PPM1M: variants seen among roughly 807,000 people sequenced by gnomAD.
PPM1M encodes the protein protein phosphatase, Mg2+/Mn2+ dependent 1M, also known as protein phosphatase 1M.
PPM1M carries 44 observed loss-of-function variants against 50.8 expected under a neutral mutation model. The observed-to-expected ratio is 0.87, with a 90% CI of 0.68 to 1.11. The LOEUF (loss-of-function observed/expected upper bound fraction) is 1.11. Among genes scored for constraint, PPM1M ranks in the 50% most tolerant of loss-of-function variants. PPM1M has a pLI of 0.00. For synonymous variants in PPM1M, 224 were observed against 242.9 expected (o/e 0.92, Z 0.72); for missense variants, 556 against 593.4 (o/e 0.94, Z 0.66).
In PPM1M at chr3:52,246,000, G is replaced by A. The variant is rs1395618515; in HGVS notation, c.176G>A (p.Arg59His). ...CGCCGCCCAGACTCCCGGCCCGTGC[G>A]CAGCCCCGCACGAGGACGCACGCTA... ...ASRRPDSRPV[R>H]SPARGRTLPW... Residue 59 changes from arginine to histidine, a missense_variant, in exon 1 of 10, where the codon CGC becomes CAC. Physicochemically the swap from Arg to His is conservative, Grantham distance 29. Coordinates refer to ENST00000323588, the MANE Select transcript of PPM1M (RefSeq NM_144641.4). This position sits in a 1 kb window ranked among gnomAD's most constrained non-coding sequence, Gnocchi z 4.8. 4.0e-6 allele frequency: 5 copies of A among 1,235,762 alleles called. No individual in the cohort carries two copies. The African/African-American group carries it at 4.9e-5, about 12-fold the overall frequency. 76.5% of individuals were successfully genotyped at this position (1,235,762 alleles called of 1,614,324 possible). A position where few individuals can be genotyped will look rare whatever the true frequency, so the allele number is the denominator to read the frequency against.
intron 4 of PPM1M, 54 bp from the exon 5 acceptor site, chr3:52,248,098 CA>C: frequency 6.8e-7 from 1 of 1,471,444 alleles, no homozygotes; most frequent in Non-Finnish European, 9.3e-7. Context: ...GGAGGGTGGC[CA>C]TGGGTGAGGG....
rs1699934263 is a variant in PPM1M at position 52,249,847 on chromosome 3, G to A, written c.*33G>A. The stretch of plus-strand genomic sequence containing the variant: ...GACACTGTATCCCAGAACTGCTCTA[G>A]TGCCCGGGTGTGGTCTGGGCATCCC... On this transcript the variant is annotated 3_prime_UTR_variant, in exon 10 of 10. Transcript: ENST00000323588. The A allele has an allele frequency of 6.3e-7, 1 of 1,590,900 alleles. No individual in the cohort carries two copies. Among genetic ancestry groups the A allele is most frequent in the Non-Finnish European group, 8.6e-7 (1 of 1,166,184 alleles).
chr3:52,249,039 G>C lies in PPM1M; in HGVS notation c.1062G>C (p.Lys354Asn), dbSNP rs754985718. ...TCCTGGACACAAACATCCAGCTCAA[G>C]CCCTTCTTGCTCTCTGTGCCACAGG... ...LRVLDTNIQL[K>N]PFLLSVPQVT... is the part of the protein sequence containing the mutation. The change falls in exon 8 of 10, where the codon AAG (lysine) becomes AAC (asparagine). Residue 354 changes from lysine to asparagine, a missense_variant. Physicochemically the swap from Lys to Asn is moderately conservative, Grantham distance 94. Transcript: ENST00000323588. The C allele has an allele frequency of 5.0e-6, 8 of 1,610,830 alleles. No homozygotes were observed. Among genetic ancestry groups the C allele is most frequent in the Non-Finnish European group, 5.9e-6 (7 of 1,178,624 alleles).
At position 52,247,130 on chromosome 3, in the gene PPM1M, C is replaced by T. The variant is rs373728582; in HGVS notation, c.499C>T (p.Arg167Cys). ...ATQPPMHLNG[R>C]CICPSDPQFV... is the part of the protein sequence containing the mutation. Reference sequence around the variant, plus strand: ...TCAGCCCCCCATGCACCTCAATGGCCGCTGCATCTGCCCCAGTGACCCTCA... The same window carrying T: ...TCAGCCCCCCATGCACCTCAATGGCTGCTGCATCTGCCCCAGTGACCCTCA... Residue 167 changes from arginine (R) to cysteine (C), a missense_variant, in exon 3 of 10, where the codon CGC (arginine) becomes TGC (cysteine). Transcript: ENST00000323588. 1.4e-5 allele frequency: 22 copies of T among 1,610,068 alleles called. No homozygotes were observed. Among genetic ancestry groups the T allele is most frequent in the East Asian group, 2.2e-5 (1 of 44,792 alleles).
At chr3:52,249,625 C>G in intron 9 of PPM1M, 45 bp from the exon 10 acceptor site, 3 of 1,610,012 alleles carry the variant, frequency 1.9e-6, no homozygotes, top group Non-Finnish European at 2.5e-6. Context: ...TGGCCTTGCC[C>G]CTTTGCTCTG....
chr3:52,249,289 G>T lies in PPM1M; in HGVS notation c.1202G>T (p.Ser401Ile). ...SNEQVAWLVR[S>I]FLPGNQEDPH... ...GAGCAGGTGGCATGGCTGGTGCGGA[G>T]CTTCCTCCCTGGGAACCAAGAGGAC... is the stretch of plus-strand genomic sequence containing the variant. The change falls in exon 9 of 10, where the codon AGC becomes ATC. Residue 401 changes from serine to isoleucine, a missense_variant. Ser to Ile is a moderately radical substitution (Grantham distance 142, BLOSUM62 -2). Coordinates refer to ENST00000323588, the MANE Select transcript of PPM1M (RefSeq NM_144641.4). 1 of 1,610,982 alleles carries T rather than the reference G, an allele frequency of 6.2e-7. No individual in the cohort carries two copies. Among genetic ancestry groups the T allele is most frequent in the Non-Finnish European group, 8.5e-7 (1 of 1,178,516 alleles).
Position 52,247,031 on chromosome 3 carries a change from A to G in PPM1M, c.400A>G (p.Ile134Val), listed in dbSNP as rs967838605. Residue 134 changes from isoleucine to valine, a missense_variant, in exon 3 of 10, where the codon ATC becomes GTC. Transcript: ENST00000323588. ...TGGGCACGGCGGTCCTGCAGCAGCC[A>G]TCTTGGCTGCCAACACCCTGCACTC... ...FDGHGGPAAA[I>V]LAANTLHSCL... 8 of 1,551,852 alleles carry G rather than the reference A, an allele frequency of 5.2e-6. No individual in the cohort carries two copies. The African/African-American group carries it at 5.5e-5, about 11-fold the overall frequency.
chr3:52,247,082 G>C lies in PPM1M; in HGVS notation c.451G>C (p.Val151Leu), dbSNP rs576937621. 4 of 1,583,422 alleles carry C rather than the reference G, an allele frequency of 2.5e-6. No individual in the cohort carries two copies. Among genetic ancestry groups the C allele is most frequent in the Middle Eastern group, 1.7e-4 (1 of 6,040 alleles). The change falls in exon 3 of 10, where the codon GTG becomes CTG. Residue 151 changes from valine to leucine, a missense_variant. Coordinates refer to ENST00000323588, the MANE Select transcript of PPM1M (RefSeq NM_144641.4). ...CTGCTTGCGCCGGCAGCTGGAGGCC[G>C]TGGTGGAAGGCTTGGTGGCCACTCA... ...HSCLRRQLEA[V>L]VEGLVATQPP...
Position 52,247,012 on chromosome 3 carries a change from C to T in PPM1M, c.381C>T (p.His127=), listed in dbSNP as rs757293442. 39 of 1,548,664 alleles carry T rather than the reference C, an allele frequency of 2.5e-5. No homozygotes were observed. The highest frequency in any genetic ancestry group is 2.8e-5 in the Non-Finnish European group (32 of 1,146,180). Residue 127 remains histidine (H), a synonymous_variant, in exon 3 of 10, where the codon CAC becomes CAT. Transcript: ENST00000323588. ...ATTACTGGGCACTGTTCGATGGGCACGGCGGTCCTGCAGCAGCCATCTTGG... is the reference window on the plus strand; with the variant it reads ...ATTACTGGGCACTGTTCGATGGGCATGGCGGTCCTGCAGCAGCCATCTTGG... ...TGHYWALFDG[H]GGPAAAILAA... is the part of the protein sequence containing the mutation.
Position 52,246,765 on chromosome 3 carries a change from T to C in PPM1M, c.295T>C (p.Cys99Arg), listed in dbSNP as rs977964659. The C allele has an allele frequency of 1.5e-6, 2 of 1,344,566 alleles. No homozygotes were observed. The highest frequency in any genetic ancestry group is 3.0e-5 in the African/African-American group (2 of 67,386). 83.3% of individuals were successfully genotyped at this position (1,344,566 alleles called of 1,614,324 possible). ...AACGKLCIRR[C>R]EFGAEEEWLT... is the part of the protein sequence containing the mutation. ...CTGTGGGAAGCTGTGCATCCGGAGA[T>C]GTGAGTTTGGGGCTGAAGAAGAGTG... Residue 99 changes from cysteine (C) to arginine (R), a missense_variant, in exon 2 of 10, where the codon TGT becomes CGT. Cys to Arg is a radical substitution (Grantham distance 180). Transcript: ENST00000323588.
intron 6 of PPM1M, 80 bp from the exon 7 acceptor site, chr3:52,248,557 G>T: frequency 6.3e-7 from 1 of 1,589,946 alleles, no homozygotes; most frequent in Non-Finnish European, 8.6e-7. Flanking sequence ...CACTGTGAGG[G>T]TGTGACAGCT....
In PPM1M at chr3:52,248,967, AG is replaced by A. The variant is rs891143805; in HGVS notation, c.992del (p.Gly331GlufsTer33). On this transcript the variant is annotated frameshift_variant, in exon 8 of 10. Transcript: ENST00000323588. LOFTEE classifies it high-confidence loss of function. ...TCACTTTCCCTCAGGCTCGGTTACTAGGAACACTGGCTGTCTCCCGGGGCCT... is the reference window on the plus strand; with the variant it reads ...TCACTTTCCCTCAGGCTCGGTTACTAGAACACTGGCTGTCTCCCGGGGCCT... ...HGQGRQARLL[G>X]TLAVSRGLGD... is the part of the protein sequence containing the mutation. The A allele has an allele frequency of 1.1e-5, 18 of 1,606,508 alleles. No homozygotes were observed. Among genetic ancestry groups the A allele is most frequent in the Non-Finnish European group, 1.3e-5 (15 of 1,176,442 alleles).
chr3:52,246,910 A>G (rs1699866750), intron 2 of PPM1M, 64 bp from the exon 3 acceptor site: 1 of 1,517,374 alleles, frequency 6.6e-7, no homozygotes, highest in Non-Finnish European at 8.9e-7. Flanking sequence ...GGTCCTAGTT[A>G]GGTTGCGTCA....
chr3:52,247,597 A>T, intron 3 of PPM1M, 85 bp from the exon 4 acceptor site: 1 of 907,864 alleles, frequency 1.1e-6, no homozygotes, highest in Non-Finnish European at 1.8e-6. Context: ...GGTAGAAGTG[A>T]ACTGTAGGGT....
rs1261210153 is a variant in PPM1M at position 52,249,652 on chromosome 3, G to A, written c.1236-18G>A. 2 of 1,613,300 alleles carry A rather than the reference G, an allele frequency of 1.2e-6. No homozygotes were observed. The highest frequency in any genetic ancestry group is 2.2e-5 in the South Asian group (2 of 91,072). On this transcript the variant is annotated intron_variant, in intron 9 of 9. Transcript: ENST00000323588. ...TTTGCTCTGCCCCTGAAGTCTATCT[G>A]CAGGATGGTCTTCACAGGTTCTCAA...
Position 52,248,698 on chromosome 3 carries a change from C to G in PPM1M, c.976C>G (p.Gln326Glu). The G allele has an allele frequency of 6.2e-7, 1 of 1,613,784 alleles. No individual in the cohort carries two copies. The highest frequency in any genetic ancestry group is 8.5e-7 in the Non-Finnish European group (1 of 1,179,742). ...KYPLIHGQGR[Q>E]ARLLGTLAVS... ...CCCACTGATCCATGGACAGGGTAGG[C>G]AGGTCAGTGCCTGGTCCTCCTCAAC... Residue 326 changes from glutamine to glutamate, a missense_variant and splice_region_variant, in exon 7 of 10, where the codon CAG becomes GAG. Gln to Glu is a conservative substitution (Grantham distance 29). Transcript: ENST00000323588.
rs1354591008 is a variant in PPM1M at position 52,245,870 on chromosome 3, C to A, written c.46C>A (p.Leu16Ile). ...GCGCCGCTTCCTGCCTGGGGAGCCGCTCCCCGCGCCGCGGCCGCCTGGGCC... is the reference window on the plus strand; with the variant it reads ...GCGCCGCTTCCTGCCTGGGGAGCCGATCCCCGCGCCGCGGCCGCCTGGGCC... ...FRRRFLPGEP[L>I]PAPRPPGPHA... The change falls in exon 1 of 10, where the codon CTC (leucine) becomes ATC (isoleucine). Residue 16 changes from leucine (L) to isoleucine (I), a missense_variant. Coordinates refer to ENST00000323588, the MANE Select transcript of PPM1M (RefSeq NM_144641.4). The surrounding 1 kb of genome is among the most constrained non-coding windows in gnomAD (Gnocchi z 4.8). 1 of 1,096,886 alleles carries A rather than the reference C, an allele frequency of 9.1e-7. No individual in the cohort carries two copies. The highest frequency in any genetic ancestry group is 4.0e-5 in the Admixed American group (1 of 24,856). 67.9% of individuals were successfully genotyped at this position (1,096,886 alleles called of 1,614,324 possible). A position where few individuals can be genotyped will look rare whatever the true frequency, so the allele number is the denominator to read the frequency against.
chr3:52,247,721 A>G lies in PPM1M; in HGVS notation c.637A>G (p.Met213Val), dbSNP rs1168245967. 2 of 1,551,722 alleles carry G rather than the reference A, an allele frequency of 1.3e-6. No homozygotes were observed. Among genetic ancestry groups the G allele is most frequent in the African/African-American group, 2.7e-5 (2 of 72,776 alleles). ...IGRELEASGQ[M>V]GGCTALVAVS... ...GCGGGAGCTGGAGGCCTCAGGCCAGATGGGCGGCTGCACAGCCCTGGTGGC... is the reference window on the plus strand; with the variant it reads ...GCGGGAGCTGGAGGCCTCAGGCCAGGTGGGCGGCTGCACAGCCCTGGTGGC... Residue 213 changes from methionine (M) to valine (V), a missense_variant, in exon 4 of 10, where the codon ATG becomes GTG. Transcript: ENST00000323588.
chr3:52,249,236 T>C lies in PPM1M; in HGVS notation c.1149T>C (p.Thr383=), dbSNP rs2107320739. 3.1e-6 allele frequency: 5 copies of C among 1,613,952 alleles called. No homozygotes were observed. Among genetic ancestry groups the C allele is most frequent in the Middle Eastern group, 1.6e-4 (1 of 6,062 alleles). Residue 383 remains threonine, a synonymous_variant, in exon 9 of 10, where the codon ACT becomes ACC. Coordinates refer to ENST00000323588, the MANE Select transcript of PPM1M (RefSeq NM_144641.4). ...AGGATGATGTGGTTGTCATGGCAAC[T>C]GATGGACTCTGGGATGTACTGTCCA... The part of the protein sequence containing the change: ...LQEDDVVVMA[T]DGLWDVLSNE...
Sources: gnomAD v4.1 joint callset for allele counts on GRCh38, gnomAD v4.1.1 for gene constraint, Gnocchi (gnomAD v3.1) non-coding constraint, MANE v1.5 for transcripts, NCBI Gene and HGNC (gene_info 2026-07-23, HGNC 2026-07-21) for gene names.